SORCS2: variants seen among roughly 807,000 people sequenced by gnomAD.
The protein encoded by SORCS2 is VPS10 domain-containing receptor SorCS2.
Under a neutral mutation model 141.6 loss-of-function variants are expected in SORCS2, and 100 were observed. The observed-to-expected ratio is 0.71, with a 90% CI of 0.60 to 0.83. The LOEUF (loss-of-function observed/expected upper bound fraction) is 0.83, where lower values mean the gene tolerates loss of function less well. Among genes scored for constraint, SORCS2 ranks in the 40% least tolerant of loss-of-function variants. SORCS2 has a pLI of 0.00. For synonymous variants in SORCS2, 789 were observed against 676.9 expected (o/e 1.17, Z -2.57); for missense variants, 1,646 against 1,560.2 (o/e 1.05, Z -0.93).
At chr4:7,587,265 A>G (rs1223166389) in intron 3 of SORCS2, among the ~76,000 whole-genome samples, 1 of 152,116 alleles carries the variant, frequency 6.6e-6, no homozygotes, top group Non-Finnish European at 1.5e-5. Flanking sequence ...GGCCACTCAG[A>G]TCTTGCGCTA....
intron 1 of SORCS2, among the ~76,000 whole-genome samples, chr4:7,337,921 C>T (rs774029808): frequency 4.7e-4 from 71 of 152,280 alleles, no homozygotes; most frequent in Admixed American, 1.2e-3. Flanking sequence ...CCAGCCCTGC[C>T]CTGCAAGCCC....
chr4:7,208,716 G>T (rs1034868153), intron 1 of SORCS2, among the ~76,000 whole-genome samples: 2 of 152,174 alleles, frequency 1.3e-5, no homozygotes, highest in African/African-American at 4.8e-5. Context: ...TTTTCTAGGG[G>T]ATGCACTGCC....
At chr4:7,617,926 A>G (rs13145735) in intron 3 of SORCS2, among the ~76,000 whole-genome samples, 140,820 of 152,056 alleles carry the variant, frequency 0.93, 65,367 homozygotes, top group East Asian at 0.97. Flanking sequence ...TGGGATTCGC[A>G]GTCAGGAGTG....
intron 1 of SORCS2, among the ~76,000 whole-genome samples, chr4:7,387,558 T>A (rs111203691): frequency 7.0e-5 from 9 of 127,772 alleles, no homozygotes; most frequent in Non-Finnish European, 1.1e-4. Context: ...CATACACATA[T>A]GTACACACGC....
At chr4:7,655,678 A>G (rs573604731) in intron 5 of SORCS2, among the ~76,000 whole-genome samples, 1 of 152,338 alleles carries the variant, frequency 6.6e-6, no homozygotes, top group East Asian at 1.9e-4. Flanking sequence ...AAACCAGAGC[A>G]CAGCCATCCA....
chr4:7,511,514 AAG>A (rs1732651439), intron 2 of SORCS2, among the ~76,000 whole-genome samples: 1 of 151,306 alleles, frequency 6.6e-6, no homozygotes, highest in South Asian at 2.1e-4. Flanking sequence ...GAAACAGAGA[AAG>A]AGACAGAGCA....
intron 1 of SORCS2, among the ~76,000 whole-genome samples, chr4:7,342,939 G>C (rs967844903): frequency 6.6e-6 from 1 of 152,194 alleles, no homozygotes. Flanking sequence ...GCTGGCCAAG[G>C]TCTCTGTCCT....
intron 2 of SORCS2, among the ~76,000 whole-genome samples, chr4:7,530,682 C>A (rs1215692710): frequency 6.6e-6 from 1 of 152,262 alleles, no homozygotes; most frequent in Non-Finnish European, 1.5e-5. Context: ...GGGACTTAAT[C>A]TTCAATGGAG....
At chr4:7,234,241 C>A (rs1712106393) in intron 1 of SORCS2, among the ~76,000 whole-genome samples, 1 of 152,226 alleles carries the variant, frequency 6.6e-6, no homozygotes, top group Non-Finnish European at 1.5e-5. Flanking sequence ...CTGCCTGGGG[C>A]CGAGAATAGT....
chr4:7,454,332 C>CTG (rs1413432707), intron 2 of SORCS2, among the ~76,000 whole-genome samples: 1 of 90,766 alleles, frequency 1.1e-5, no homozygotes, highest in Non-Finnish European at 2.1e-5. Flanking sequence ...GGGTCAGGTG[C>CTG]TGTGTTGGGG....
intron 1 of SORCS2, among the ~76,000 whole-genome samples, chr4:7,214,967 GC>G (rs1451078105): frequency 2.6e-5 from 4 of 151,778 alleles, no homozygotes; most frequent in Non-Finnish European, 4.4e-5. Context: ...CAGCGTGCTG[GC>G]AGTCCTCACG....
intron 3 of SORCS2, among the ~76,000 whole-genome samples, chr4:7,606,089 C>T (rs1050258322): frequency 3.3e-5 from 5 of 152,092 alleles, no homozygotes; most frequent in Admixed American, 2.0e-4. Context: ...CCTTGAATTC[C>T]GAGCATTGAA....
intron 4 of SORCS2, among the ~76,000 whole-genome samples, chr4:7,645,738 G>A (rs1186963872): frequency 6.6e-6 from 1 of 152,192 alleles, no homozygotes; most frequent in Non-Finnish European, 1.5e-5. Context: ...TCTAGGGGAT[G>A]AAAACTTTCT....
chr4:7,665,497 G>C (rs1387346782), intron 7 of SORCS2, among the ~76,000 whole-genome samples: 1 of 152,136 alleles, frequency 6.6e-6, no homozygotes, highest in Non-Finnish European at 1.5e-5. Context: ...GCTGATTCCT[G>C]CTCCTTCTCA....
At chr4:7,492,168 G>A (rs2109403478) in intron 2 of SORCS2, among the ~76,000 whole-genome samples, 1 of 152,352 alleles carries the variant, frequency 6.6e-6, no homozygotes, top group South Asian at 2.1e-4. Flanking sequence ...CCTCTCTCCA[G>A]AGCAGGGCTG....
chr4:7,288,575 G>T (rs180973225), intron 1 of SORCS2, among the ~76,000 whole-genome samples: 1 of 132,646 alleles, frequency 7.5e-6, no homozygotes, highest in Admixed American at 7.5e-5. Context: ...GGGGGGAGAG[G>T]GGGTGGGAGG....
intron 3 of SORCS2, among the ~76,000 whole-genome samples, chr4:7,533,655 G>A (rs1711852520): frequency 6.6e-6 from 1 of 152,242 alleles, no homozygotes; most frequent in Non-Finnish European, 1.5e-5. Context: ...TGAAGGGCAA[G>A]GCAACAGGGG....
chr4:7,574,297 C>A (rs13144333), intron 3 of SORCS2, among the ~76,000 whole-genome samples: 1 of 152,070 alleles, frequency 6.6e-6, no homozygotes, highest in African/African-American at 2.4e-5. Context: ...GACTGGCTTC[C>A]CCTGTCACAG....
intron 2 of SORCS2, among the ~76,000 whole-genome samples, chr4:7,454,889 T>C (rs866539660): frequency 1.8e-4 from 17 of 93,078 alleles, no homozygotes; most frequent in South Asian, 4.3e-4. Flanking sequence ...TGGGGTCAGG[T>C]GCTGTGTTGG....
Sources: gnomAD v4.1 joint callset for allele counts (sites outside exome capture counted in the v4.1 genomes callset) on GRCh38, gnomAD v4.1.1 for gene constraint, MANE v1.5 for transcripts, NCBI Gene and HGNC (gene_info 2026-07-23, HGNC 2026-07-21) for gene names.